The following ORC4 variants were observed in gnomAD, a reference collection of about 807,000 sequenced individuals.
The protein encoded by ORC4 is origin recognition complex, subunit 4 homolog.
A neutral mutation model predicts 63.9 loss-of-function variants in ORC4; 55 were observed. The observed-to-expected ratio is 0.86, with a 90% CI of 0.69 to 1.08. ORC4 has a LOEUF of 1.08. Among genes scored for constraint, ORC4 ranks in the 50% least tolerant of loss-of-function variants. The probability of loss-of-function intolerance (pLI) is 0.00; values close to 1 mark genes in which losing one functional copy is unlikely to be tolerated. For synonymous variants in ORC4, 150 were observed against 168.5 expected, an observed-to-expected ratio of 0.89 and a Z score of 0.85; for missense variants, 511 against 504.4, an observed-to-expected ratio of 1.01 and a Z score of -0.13.
chr2:147,936,076 T>A (rs1249644392), intron 13 of ORC4, among the ~76,000 whole-genome samples: 1 of 152,198 alleles, frequency 6.6e-6, no homozygotes. Flanking sequence ...ATCAATTCCC[T>A]AGGCTACTCA....
chr2:147,952,624 G>A, intron 7 of ORC4, 100 bp from the exon 8 acceptor site: 1 of 904,776 alleles, frequency 1.1e-6, no homozygotes, highest in Non-Finnish European at 1.8e-6. Flanking sequence ...ACTCAATTCT[G>A]TAAACATTCT....
chr2:147,985,289 C>T (rs934650702), intron 1 of ORC4, among the ~76,000 whole-genome samples: 1 of 152,130 alleles, frequency 6.6e-6, no homozygotes, highest in African/African-American at 2.4e-5. Context: ...CTCCACCTCC[C>T]GGGTTCACAC....
chr2:147,975,989 G>C lies in ORC4; in HGVS notation c.-17-14C>G, dbSNP rs777919722. ...CAAATTCAAATCCTTTAAAAAAATT[G>C]GCATAAATATTATAAACGTAGTGAC... On this transcript the variant is annotated splice_polypyrimidine_tract_variant and intron_variant, in intron 1 of 13. Coordinates refer to ENST00000392857, the MANE Select transcript of ORC4 (RefSeq NM_181741.4). The C allele has an allele frequency of 6.1e-6, 7 of 1,144,076 alleles. No homozygotes were observed. The South Asian group carries it at 6.1e-5, about 10-fold the overall frequency. 70.9% of individuals were successfully genotyped at this position (1,144,076 alleles called of 1,614,324 possible).
chr2:147,996,189 A>G (rs1691961276), intron 1 of ORC4, among the ~76,000 whole-genome samples: 1 of 152,070 alleles, frequency 6.6e-6, no homozygotes, highest in East Asian at 1.9e-4. Flanking sequence ...CTGTAGTTCC[A>G]GCTACTTGGG....
At chr2:147,957,993 A>G (rs1300808555) in intron 6 of ORC4, among the ~76,000 whole-genome samples, 2 of 152,148 alleles carry the variant, frequency 1.3e-5, no homozygotes, top group African/African-American at 2.4e-5. Context: ...GTGTTAATCT[A>G]TCTCCAGAGA....
intron 1 of ORC4, among the ~76,000 whole-genome samples, chr2:148,014,679 A>T (rs538973456): frequency 6.6e-6 from 1 of 152,362 alleles, no homozygotes; most frequent in Non-Finnish European, 1.5e-5. Context: ...GTATATTTTT[A>T]AAAACACGAC....
intron 8 of ORC4, among the ~76,000 whole-genome samples, chr2:147,948,851 G>A (rs949835786): frequency 6.6e-6 from 1 of 151,166 alleles, no homozygotes; most frequent in Non-Finnish European, 1.5e-5. Context: ...CCACAAAACT[G>A]ATAGGCATTC....
At chr2:147,965,160 G>A (rs1290659485) in intron 4 of ORC4, among the ~76,000 whole-genome samples, 1 of 152,030 alleles carries the variant, frequency 6.6e-6, no homozygotes, top group Non-Finnish European at 1.5e-5. Context: ...AGGAGAAAGA[G>A]AAAGGATCAA....
intron 5 of ORC4, 137 bp downstream of exon 5, chr2:147,958,654 C>G (rs1347431868): frequency 1.7e-6 from 1 of 598,704 alleles, no homozygotes. Flanking sequence ...TCTAAAAATA[C>G]TGCATATGGT....
At chr2:147,998,824 A>T (rs1230168904) in intron 1 of ORC4, among the ~76,000 whole-genome samples, 3 of 152,160 alleles carry the variant, frequency 2.0e-5, no homozygotes, top group Admixed American at 6.5e-5. Context: ...GATATGGGAG[A>T]ATATAAGATA....
intron 1 of ORC4, among the ~76,000 whole-genome samples, chr2:147,985,701 T>C (rs149101314): frequency 9.8e-5 from 15 of 152,314 alleles, no homozygotes; most frequent in African/African-American, 3.4e-4. Flanking sequence ...TAGACTAACA[T>C]AATCCTAAAC....
At chr2:147,944,079 C>T (rs1688521985) in intron 9 of ORC4, among the ~76,000 whole-genome samples, 1 of 152,030 alleles carries the variant, frequency 6.6e-6, no homozygotes, top group Non-Finnish European at 1.5e-5. Context: ...CTGGAGGTAG[C>T]TGTCCAGACA....
chr2:148,015,351 GTTGCC>G, intron 1 of ORC4, among the ~76,000 whole-genome samples: 1 of 109,728 alleles, frequency 9.1e-6, no homozygotes, highest in South Asian at 2.9e-4. Context: ...GTCTCTCTCT[GTTGCC>G]CAGGCTGGGC....
intron 1 of ORC4, among the ~76,000 whole-genome samples, chr2:148,018,229 T>C (rs1467413186): frequency 1.3e-5 from 2 of 152,198 alleles, no homozygotes; most frequent in Non-Finnish European, 2.9e-5. Flanking sequence ...CTCAAACTCT[T>C]TAGTGTCCTG....
At chr2:147,937,961 C>G in intron 13 of ORC4, 185 bp downstream of exon 13, 1 of 625,762 alleles carries the variant, frequency 1.6e-6, no homozygotes, top group Non-Finnish European at 2.9e-6. Flanking sequence ...CCTCCACAAA[C>G]TAAAACAACC....
chr2:147,958,201 G>T, intron 6 of ORC4, 97 bp downstream of exon 6: 1 of 738,454 alleles, frequency 1.4e-6, no homozygotes, highest in Non-Finnish European at 2.3e-6. Flanking sequence ...AAGAATTTCT[G>T]AACCTCTCCC....
intron 1 of ORC4, among the ~76,000 whole-genome samples, chr2:147,983,876 C>T (rs891499733): frequency 6.6e-6 from 1 of 152,094 alleles, no homozygotes. Context: ...AGATACCACA[C>T]CAGAGGAATT....
At chr2:147,958,895 A>T in intron 4 of ORC4, 29 bp from the exon 5 acceptor site, 2 of 912,238 alleles carry the variant, frequency 2.2e-6, no homozygotes, top group Non-Finnish European at 3.6e-6. Flanking sequence ...TGAAATAATA[A>T]TAGGTAAAAG....
At chr2:147,938,888 GATACAATGATAACA>G (rs1688209192) in intron 11 of ORC4, among the ~76,000 whole-genome samples, 1 of 152,104 alleles carries the variant, frequency 6.6e-6, no homozygotes, top group South Asian at 2.1e-4. Context: ...AGTAGTTCTT[GATACAATGATAACA>G]TCAGCAACAC....
Sources: allele counts gnomAD v4.1 joint callset (sites outside exome capture counted in the v4.1 genomes callset), GRCh38; gene constraint gnomAD v4.1.1; transcripts MANE v1.5; gene names NCBI Gene and HGNC (gene_info 2026-07-23, HGNC 2026-07-21).